AK2: variants seen among roughly 807,000 people sequenced by gnomAD.
The protein encoded by AK2 is adenylate kinase 2, also known as adenylate kinase 2, mitochondrial.
AK2 carries 15 observed loss-of-function variants against 24.6 expected under a neutral mutation model. The observed-to-expected ratio is 0.61, with a 90% CI of 0.41 to 0.94. The LOEUF is 0.94. Among genes scored for constraint, AK2 ranks in the 40% least tolerant of loss-of-function variants. The pLI, the probability that AK2 is intolerant of heterozygous loss-of-function variation, is 0.00. For missense variants in AK2, 257 were observed against 304.1 expected, an observed-to-expected ratio of 0.85 and a Z score of 1.15; for synonymous variants, 102 against 114.0, an observed-to-expected ratio of 0.90 and a Z score of 0.67.
intron 1 of AK2, among the ~76,000 whole-genome samples, chr1:33,026,822 CA>C (rs1218334776): frequency 1.4e-5 from 2 of 143,746 alleles, no homozygotes; most frequent in East Asian, 2.1e-4. Context: ...AAAACAGCAA[CA>C]AAAAAAAACT....
intron 2 of AK2, among the ~76,000 whole-genome samples, chr1:33,021,928 CT>C (rs1474823375): frequency 6.6e-6 from 1 of 152,142 alleles, no homozygotes; most frequent in African/African-American, 2.4e-5. Context: ...ACTCTCGTCT[CT>C]TGAAATTCTC....
Position 33,009,206 on chromosome 1 carries a change from CT to C in AK2, c.*3974del, listed in dbSNP as rs1015575620. On this transcript the variant is annotated 3_prime_UTR_variant, in exon 6 of 6. Transcript: ENST00000672715. ...AGTGGTGCTTCCAGCCCAGCTCCCT[CT>C]TGTTTTGGGAACAACAGTCATTTCT... 2.0e-5 allele frequency: 9 copies of C among 453,616 alleles called. No individual in the cohort carries two copies. Among genetic ancestry groups the C allele is most frequent in the African/African-American group, 1.6e-4 (8 of 49,938 alleles). The allele number at this position is 453,616 out of a possible 1,614,324, so 28.1% of individuals were successfully genotyped here. A position where few individuals can be genotyped will look rare whatever the true frequency, so the allele number is the denominator to read the frequency against.
In AK2 at chr1:33,011,909, G is replaced by A. The variant is rs778409721; in HGVS notation, c.*1272C>T. 2.0e-6 allele frequency: 3 copies of A among 1,531,920 alleles called. No homozygotes were observed. Among genetic ancestry groups the A allele is most frequent in the South Asian group, 2.4e-5 (2 of 83,154 alleles). 94.9% of individuals were successfully genotyped at this position (1,531,920 alleles called of 1,614,324 possible). A position where few individuals can be genotyped will look rare whatever the true frequency, so the allele number is the denominator to read the frequency against. ...TGAAGGGTTGGATCTAGAAAGGAGA[G>A]GGTTTGGGCTTAAAAAGAACATATC... On this transcript the variant is annotated 3_prime_UTR_variant, in exon 6 of 6. Coordinates refer to ENST00000672715, the MANE Select transcript of AK2 (RefSeq NM_001625.4).
At position 33,009,130 on chromosome 1, in the gene AK2, ATG is replaced by A. The variant is rs1638646701; in HGVS notation, c.*4049_*4050del. The A allele has an allele frequency of 4.4e-6, 2 of 452,630 alleles. No homozygotes were observed. Among genetic ancestry groups the A allele is most frequent in the African/African-American group, 4.0e-5 (2 of 49,910 alleles). 28.0% of individuals were successfully genotyped at this position (452,630 alleles called of 1,614,324 possible). On this transcript the variant is annotated 3_prime_UTR_variant, in exon 6 of 6. Coordinates refer to ENST00000672715, the MANE Select transcript of AK2 (RefSeq NM_001625.4). The stretch of plus-strand genomic sequence containing the variant: ...GCTGGTTCAGGGAACAGGATTTAAT[ATG>A]TCAGTGAAGACCCTGCCTCTCTCTG...
chr1:33,024,516 T>A lies in AK2; in HGVS notation c.145A>T (p.Met49Leu). The change falls in exon 2 of 6, where the codon ATG becomes TTG. Residue 49 changes from methionine to leucine, a missense_variant. Met to Leu is a conservative substitution (Grantham distance 15). Transcript: ENST00000672715. Reference sequence around the variant, plus strand: ...CCAGAAGCCACCATGGCCCTCAGCATGTCCCCAGTAGCTAAATGGCAGACA... The same window carrying A: ...CCAGAAGCCACCATGGCCCTCAGCAAGTCCCCAGTAGCTAAATGGCAGACA... ...FCVCHLATGDMLRAMVASGSE... is the reference protein window; with the variant it reads ...FCVCHLATGDLLRAMVASGSE... The A allele has an allele frequency of 6.2e-7, 1 of 1,614,208 alleles. No individual in the cohort carries two copies. The highest frequency in any genetic ancestry group is 8.5e-7 in the Non-Finnish European group (1 of 1,180,020).
intron 4 of AK2, chr1:33,020,061 G>C (rs917551325): frequency 4.2e-5 from 64 of 1,534,896 alleles, no homozygotes; most frequent in Non-Finnish European, 5.5e-5. Context: ...AAAGCAGATG[G>C]CAGTGATTAG....
In AK2 at chr1:33,024,983, G is replaced by A. The variant is rs1639783717; in HGVS notation, c.94-416C>T. On this transcript the variant is annotated intron_variant, in intron 1 of 5. Coordinates refer to ENST00000672715, the MANE Select transcript of AK2 (RefSeq NM_001625.4). ...GGGCGGATCACGAGGTCAGAAGTTC[G>A]AGACCAGCCTGACCAACATGGGGAA... Among the ~76,000 whole-genome samples the A allele has an allele frequency of 5.9e-5, 9 of 152,162 alleles. 1 individual carries two copies. The South Asian group carries it at 1.7e-3, about 28-fold the overall frequency.
chr1:33,014,526 T>C lies in AK2; in HGVS notation c.494A>G (p.Asp165Gly), dbSNP rs267606643. 3 of 1,612,414 alleles carry C rather than the reference T, an allele frequency of 1.9e-6. No homozygotes were observed. The change falls in exon 5 of 6, where the codon GAT becomes GGT. Residue 165 changes from aspartate to glycine, a missense_variant. Transcript: ENST00000672715. Reference sequence around the variant, plus strand: ...TTTTGTCCTGAGTTTACATACGTCATCTTTCATGGGCTCTTTTGGAGGGTT... The same window carrying C: ...TTTTGTCCTGAGTTTACATACGTCACCTTTCATGGGCTCTTTTGGAGGGTT... ...EFNPPKEPMK[D>G]DITGEPLIRR...
chr1:33,017,951 G>A (rs1639298641), intron 4 of AK2, among the ~76,000 whole-genome samples: 1 of 152,030 alleles, frequency 6.6e-6, no homozygotes, highest in South Asian at 2.1e-4. Flanking sequence ...TTATAGTAGA[G>A]ACGAGGTCTT....
chr1:33,032,558 C>G (rs1315312536), intron 1 of AK2: 1 of 151,968 alleles, frequency 6.6e-6, no homozygotes, highest in African/African-American at 2.4e-5. Context: ...AATAAATGAC[C>G]AGGGAACAAT....
In AK2 at chr1:33,010,385, A is replaced by G. The variant is rs1324060501; in HGVS notation, c.*2796T>C. On this transcript the variant is annotated 3_prime_UTR_variant, in exon 6 of 6. Transcript: ENST00000672715. ...TACAGTGTGTGGAACCGGAGTCAGT[A>G]ATCAAAGCTCCCTGTTCCAAGCTAT... 2.1e-6 allele frequency: 1 copy of G among 476,590 alleles called. No individual in the cohort carries two copies. The highest frequency in any genetic ancestry group is 2.3e-5 in the Admixed American group (1 of 43,170). The allele number at this position is 476,590 out of a possible 1,614,324, so 29.5% of individuals were successfully genotyped here.
rs1030157167 is a variant in AK2 at position 33,010,565 on chromosome 1, T to C, written c.*2616A>G. On this transcript the variant is annotated 3_prime_UTR_variant, in exon 6 of 6. Transcript: ENST00000672715. ...CCGATTCCTTAGAAATAATATTGTG[T>C]CTATTTCTACCCCCACCCTCCAAGC... 1.2e-6 allele frequency: 1 copy of C among 852,408 alleles called. No homozygotes were observed. Among genetic ancestry groups the C allele is most frequent in the Non-Finnish European group, 1.9e-6 (1 of 525,432 alleles). 52.8% of individuals were successfully genotyped at this position (852,408 alleles called of 1,614,324 possible).
At position 33,012,260 on chromosome 1, in the gene AK2, A is replaced by G. The variant is rs1440074439; in HGVS notation, c.*921T>C. On this transcript the variant is annotated 3_prime_UTR_variant, in exon 6 of 6. Transcript: ENST00000672715. Reference sequence around the variant, plus strand: ...ATGATGCAGATCACAAAAATATTCCAATTTGGCCTGGCTCTTTTTATGACG... The same window carrying G: ...ATGATGCAGATCACAAAAATATTCCGATTTGGCCTGGCTCTTTTTATGACG... 1 of 1,534,962 alleles carries G rather than the reference A, an allele frequency of 6.5e-7. No individual in the cohort carries two copies. The highest frequency in any genetic ancestry group is 2.0e-5 in the Admixed American group (1 of 50,974).
At chr1:33,022,259 T>C in intron 2 of AK2, among the ~76,000 whole-genome samples, 1 of 151,774 alleles carries the variant, frequency 6.6e-6, no homozygotes, top group East Asian at 1.9e-4. Flanking sequence ...ATCTGGGCCA[T>C]CCTGGACATG....
In AK2 at chr1:33,011,312, C is replaced by T. The variant is rs1356355753; in HGVS notation, c.*1869G>A. Reference sequence around the variant, plus strand: ...CACATAGCTGACAGTTTTTGTTTCACTCCTCTTCCTTGCCCATTCCCAGAA... The same window carrying T: ...CACATAGCTGACAGTTTTTGTTTCATTCCTCTTCCTTGCCCATTCCCAGAA... On this transcript the variant is annotated 3_prime_UTR_variant, in exon 6 of 6. Coordinates refer to ENST00000672715, the MANE Select transcript of AK2 (RefSeq NM_001625.4). 2 of 1,289,554 alleles carry T rather than the reference C, an allele frequency of 1.6e-6. No homozygotes were observed. The highest frequency in any genetic ancestry group is 2.0e-6 in the Non-Finnish European group (2 of 990,382). 79.9% of individuals were successfully genotyped at this position (1,289,554 alleles called of 1,614,324 possible).
intron 1 of AK2, among the ~76,000 whole-genome samples, chr1:33,036,442 C>T (rs1640584153): frequency 6.6e-6 from 1 of 152,208 alleles, no homozygotes; most frequent in Non-Finnish European, 1.5e-5. Flanking sequence ...GCTCACTCTA[C>T]CCCTCAAACC....
rs71833811 is a variant in AK2, at chr1:33,034,449, T to TACACACACACAC, written c.93+2275_93+2286dup. On this transcript the variant is annotated intron_variant, in intron 1 of 5. Transcript: ENST00000672715. Reference sequence around the variant, plus strand: ...TGTCATCTAGGTTGTGGGTGCTTGATACACACACACACACACACACACACA... The same window carrying TACACACACACAC: ...TGTCATCTAGGTTGTGGGTGCTTGATACACACACACACACACACACACACACACACACACACA... 6.5e-3 allele frequency among the ~76,000 whole-genome samples: 921 copies of TACACACACACAC among 141,958 alleles called. 14 individuals carry two copies. Among genetic ancestry groups the TACACACACACAC allele is most frequent in the African/African-American group, 0.022 (832 of 38,264 alleles). 93.1% of individuals were successfully genotyped at this position (141,958 alleles called of 152,430 possible). A position where few individuals can be genotyped will look rare whatever the true frequency, so the allele number is the denominator to read the frequency against.
chr1:33,033,862 G>C (rs1640402708), intron 1 of AK2, among the ~76,000 whole-genome samples: 1 of 152,068 alleles, frequency 6.6e-6, no homozygotes, highest in South Asian at 2.1e-4. Context: ...GCTACCATTT[G>C]TAAAGTCTGA....
In AK2 at chr1:33,012,528, G is replaced by A; in HGVS notation, c.*653C>T. On this transcript the variant is annotated 3_prime_UTR_variant, in exon 6 of 6. Coordinates refer to ENST00000672715, the MANE Select transcript of AK2 (RefSeq NM_001625.4). Reference sequence around the variant, plus strand: ...ATGGAAGAAATACTATGAGGTTCTGGAATTGCGGTCCCTGGAAGATTACCT... The same window carrying A: ...ATGGAAGAAATACTATGAGGTTCTGAAATTGCGGTCCCTGGAAGATTACCT... 1 of 1,330,672 alleles carries A rather than the reference G, an allele frequency of 7.5e-7. No individual in the cohort carries two copies. Among genetic ancestry groups the A allele is most frequent in the African/African-American group, 1.5e-5 (1 of 67,666 alleles). The allele number at this position is 1,330,672 out of a possible 1,614,324, so 82.4% of individuals were successfully genotyped here.
Sources: gnomAD v4.1 joint callset for allele counts (sites outside exome capture counted in the v4.1 genomes callset) on GRCh38, gnomAD v4.1.1 for gene constraint, MANE v1.5 for transcripts, NCBI Gene and HGNC (gene_info 2026-07-23, HGNC 2026-07-21) for gene names.